Variants in SYT1 observed in about 807,000 individuals in gnomAD.
SYT1 encodes synaptotagmin 1.
Under a neutral mutation model 44.8 loss-of-function variants are expected in SYT1, and 8 were observed. That is an observed-to-expected ratio of 0.18 (90% CI 0.10 to 0.32). The LOEUF is 0.32. Among genes scored for constraint, SYT1 ranks in the 10% least tolerant of loss-of-function variants. SYT1 has a pLI of 1.00. For missense variants in SYT1, 286 were observed against 509.3 expected, an observed-to-expected ratio of 0.56 and a Z score of 4.22; for synonymous variants, 154 against 188.8, an observed-to-expected ratio of 0.82 and a Z score of 1.51.
chr12:79,431,790 G>C (rs1002261950), intron 9 of SYT1, among the ~76,000 whole-genome samples: 12 of 152,042 alleles, frequency 7.9e-5, no homozygotes, highest in Non-Finnish European at 1.3e-4. Context: ...TGATCCCCCT[G>C]CCTCGGCATC....
chr12:79,194,422 CAG>C (rs1873318682), intron 3 of SYT1, among the ~76,000 whole-genome samples: 1 of 151,038 alleles, frequency 6.6e-6, no homozygotes, highest in Non-Finnish European at 1.5e-5. Flanking sequence ...ATTCTACACT[CAG>C]AAAGTCTGAA....
At chr12:79,409,730 T>C (rs1379009338) in intron 9 of SYT1, among the ~76,000 whole-genome samples, 2 of 152,232 alleles carry the variant, frequency 1.3e-5, no homozygotes, top group East Asian at 3.9e-4. Context: ...TTATCTCGGC[T>C]TGGCAGTGGG....
intron 3 of SYT1, among the ~76,000 whole-genome samples, chr12:79,127,103 C>G (rs1366971294): frequency 1.3e-5 from 2 of 152,142 alleles, no homozygotes; most frequent in East Asian, 3.9e-4. Flanking sequence ...AATGAAAACC[C>G]AGGAATTATC....
chr12:79,366,902 G>C (rs1409832062), intron 9 of SYT1, among the ~76,000 whole-genome samples: 21 of 111,412 alleles, frequency 1.9e-4, no homozygotes, highest in Non-Finnish European at 3.4e-4. Flanking sequence ...TACTGTGTGT[G>C]TGTGTGTGTG....
chr12:79,225,203 G>A (rs529933339), intron 4 of SYT1, among the ~76,000 whole-genome samples: 2 of 151,446 alleles, frequency 1.3e-5, no homozygotes, highest in Admixed American at 6.6e-5. Context: ...ATCCGGATGA[G>A]AGATTTATAA....
intron 1 of SYT1, among the ~76,000 whole-genome samples, chr12:78,904,503 TA>T (rs1185558974): frequency 6.6e-6 from 1 of 152,170 alleles, no homozygotes; most frequent in Non-Finnish European, 1.5e-5. Context: ...TATCTCGACC[TA>T]ACTCTGCCCA....
chr12:79,011,629 T>C (rs1871412135), intron 2 of SYT1, among the ~76,000 whole-genome samples: 1 of 150,844 alleles, frequency 6.6e-6, no homozygotes, highest in African/African-American at 2.4e-5. Flanking sequence ...AGCTGCCAAT[T>C]TTGCTCTTAA....
chr12:79,020,327 C>T (rs1458795972), intron 2 of SYT1, among the ~76,000 whole-genome samples: 5 of 151,870 alleles, frequency 3.3e-5, no homozygotes, highest in Non-Finnish European at 5.9e-5. Flanking sequence ...GCAACAAGTC[C>T]ACCTGACAGA....
chr12:79,440,697 G>T (rs112100317), intron 9 of SYT1, among the ~76,000 whole-genome samples: 1 of 151,940 alleles, frequency 6.6e-6, no homozygotes, highest in Non-Finnish European at 1.5e-5. Flanking sequence ...CAAGGATTTC[G>T]CTTTGCAGAA....
At chr12:78,974,428 A>G (rs1345113133) in intron 1 of SYT1, among the ~76,000 whole-genome samples, 1 of 151,758 alleles carries the variant, frequency 6.6e-6, no homozygotes, top group African/African-American at 2.4e-5. Flanking sequence ...TTATTATTTT[A>G]TTTTTATTTA....
chr12:79,341,660 C>CTTTTTT (rs34759181), intron 8 of SYT1, among the ~76,000 whole-genome samples: 1 of 63,042 alleles, frequency 1.6e-5, no homozygotes. Context: ...TACATTCATT[C>CTTTTTT]TTTTTTTTTT....
chr12:78,876,890 A>ATATATATTATATGTAT (rs1874188490), intron 1 of SYT1, among the ~76,000 whole-genome samples: 1 of 39,528 alleles, frequency 2.5e-5, no homozygotes, highest in East Asian at 6.7e-4. Flanking sequence ...ATTATATATA[A>ATATATATTATATGTAT]TATATATTAT....
At chr12:79,212,678 A>T (rs933968637) in intron 3 of SYT1, among the ~76,000 whole-genome samples, 4 of 152,208 alleles carry the variant, frequency 2.6e-5, no homozygotes, top group Non-Finnish European at 5.9e-5. Flanking sequence ...AAAATTAAGT[A>T]CTATGTTTCC....
At chr12:79,329,366 C>T (rs1881754095) in intron 8 of SYT1, among the ~76,000 whole-genome samples, 1 of 152,208 alleles carries the variant, frequency 6.6e-6, no homozygotes, top group African/African-American at 2.4e-5. Context: ...ACTTACATGA[C>T]ATTATCTTTC....
At chr12:79,036,379 T>C (rs1159506330) in intron 2 of SYT1, 1 of 151,890 alleles carries the variant, frequency 6.6e-6, no homozygotes, top group Non-Finnish European at 1.5e-5. Flanking sequence ...TAGCTCTTCA[T>C]GGAATTAAAT....
intron 8 of SYT1, among the ~76,000 whole-genome samples, chr12:79,301,849 G>C (rs983277821): frequency 1.3e-5 from 2 of 151,962 alleles, no homozygotes; most frequent in Non-Finnish European, 2.9e-5. Context: ...AGAAATTTTT[G>C]GTTTTCAGTT....
At chr12:78,926,837 T>G (rs144776247) in intron 1 of SYT1, 1 of 152,236 alleles carries the variant, frequency 6.6e-6, no homozygotes, top group Non-Finnish European at 1.5e-5. Context: ...CAGGGTGAAC[T>G]TAGAGGTAAG....
At chr12:79,132,833 A>T (rs1204138337) in intron 3 of SYT1, among the ~76,000 whole-genome samples, 3 of 152,184 alleles carry the variant, frequency 2.0e-5, no homozygotes, top group Non-Finnish European at 4.4e-5. Flanking sequence ...AATAGCCAAG[A>T]TATTGAATCA....
intron 3 of SYT1, among the ~76,000 whole-genome samples, chr12:79,178,762 T>C (rs1425156166): frequency 6.6e-6 from 1 of 150,800 alleles, no homozygotes; most frequent in Non-Finnish European, 1.5e-5. Context: ...AACAGTAATT[T>C]GTTTATTTAT....
Sources: allele counts gnomAD v4.1 joint callset (sites outside exome capture counted in the v4.1 genomes callset), GRCh38; gene constraint gnomAD v4.1.1; transcripts MANE v1.5; gene names NCBI Gene and HGNC (gene_info 2026-07-23, HGNC 2026-07-21).